Variants in ACACA observed in about 807,000 individuals in gnomAD.
ACACA encodes the protein acetyl-CoA carboxylase alpha, also known as acetyl-CoA carboxylase 1.
Under a neutral mutation model 296.1 loss-of-function variants are expected in ACACA, and 103 were observed. That is an observed-to-expected ratio of 0.35 (90% CI 0.30 to 0.41). The LOEUF is 0.41. ACACA is among the 10% of genes least tolerant of loss of function. The pLI is 1.00. For missense variants in ACACA, 1,554 were observed against 2,989.7 expected (o/e 0.52, Z 11.20); for synonymous variants, 953 against 1,038.6 (o/e 0.92, Z 1.58).
Position 37,242,041 on chromosome 17 carries a change from G to A in ACACA, c.2944C>T (p.Leu982=). 3 of 1,613,804 alleles carry A rather than the reference G, an allele frequency of 1.9e-6. No individual in the cohort carries two copies. Among genetic ancestry groups the A allele is most frequent in the Middle Eastern group, 3.3e-4 (2 of 6,060 alleles). ...TTCAATGTAGCTGCATGGCTATCTAGGATGTTTGCAATCTAAGGTATAAAA... is the reference window on the plus strand; with the variant it reads ...TTCAATGTAGCTGCATGGCTATCTAAGATGTTTGCAATCTAAGGTATAAAA... The part of the protein sequence containing the change: ...QFPSQQIANI[L]DSHAATLNRK... Residue 982 remains leucine, a synonymous_variant, in exon 23 of 56, where the codon CTA becomes TTA. Coordinates refer to ENST00000616317, the MANE Select transcript of ACACA (RefSeq NM_198834.3).
At chr17:37,191,324 T>C (rs1454075532) in intron 37 of ACACA, 49 bp from the exon 38 acceptor site, 4 of 1,549,324 alleles carry the variant, frequency 2.6e-6, no homozygotes, top group Non-Finnish European at 3.5e-6. Flanking sequence ...AAAGAGGCAA[T>C]AAAGAAATGG....
chr17:37,225,151 A>C, intron 26 of ACACA, 46 bp from the exon 27 acceptor site: 1 of 1,114,474 alleles, frequency 9.0e-7, no homozygotes, highest in Non-Finnish European at 1.4e-6. Flanking sequence ...CGGAGTGATT[A>C]TTCTAGACTC....
At chr17:37,306,579 A>G (rs1261914824) in intron 3 of ACACA, among the ~76,000 whole-genome samples, 1 of 152,158 alleles carries the variant, frequency 6.6e-6, no homozygotes, top group Non-Finnish European at 1.5e-5. Context: ...GACTACTCTG[A>G]CCTTTTATAA....
In ACACA at chr17:37,179,245, G is replaced by C. The variant is rs749499606; in HGVS notation, c.5079+15C>G. The C allele has an allele frequency of 6.2e-7, 1 of 1,613,950 alleles. No individual in the cohort carries two copies. The highest frequency in any genetic ancestry group is 2.2e-5 in the East Asian group (1 of 44,880). On this transcript the variant is annotated intron_variant, in intron 41 of 55. Transcript: ENST00000616317. ...CACAGAGATAAGAAAGGGAAGGGGGGTTTCAACTACTTGCCTCATTTCCTC... is the reference window on the plus strand; with the variant it reads ...CACAGAGATAAGAAAGGGAAGGGGGCTTTCAACTACTTGCCTCATTTCCTC...
At chr17:37,128,335 C>T (rs185377835) in intron 47 of ACACA, among the ~76,000 whole-genome samples, 20 of 152,114 alleles carry the variant, frequency 1.3e-4, no homozygotes, top group Admixed American at 1.0e-3. Context: ...GTCGTAAGTG[C>T]AAAAAAGATG....
rs2075916178 is a variant in ACACA, at chr17:37,148,692, C to CT, written c.5679+1171dup. 3.3e-5 allele frequency among the ~76,000 whole-genome samples: 5 copies of CT among 152,136 alleles called. No individual in the cohort carries two copies. The South Asian group carries it at 1.0e-3, about 32-fold the overall frequency. On this transcript the variant is annotated intron_variant, in intron 45 of 55. Coordinates refer to ENST00000616317, the MANE Select transcript of ACACA (RefSeq NM_198834.3). ...TCATGTTAGAGAGAGGAACGGGAAA[C>CT]TGAAATTTGAATGTGGGCCAACACT... is the stretch of plus-strand genomic sequence containing the variant.
rs78536589 is a variant in ACACA, at chr17:37,298,418, T to C, written c.339-13448A>G. ...GATAATGGAGGGATGCCAGGCACAG[T>C]GGCCTGTAATACCAACACTTCTGGA... On this transcript the variant is annotated intron_variant, in intron 3 of 55. Transcript: ENST00000616317. Among the ~76,000 whole-genome samples, 139 of 152,264 alleles carry C rather than the reference T, an allele frequency of 9.1e-4. 1 individual carries two copies. Among genetic ancestry groups the C allele is most frequent in the African/African-American group, 3.3e-3 (137 of 41,552 alleles).
chr17:37,375,738 C>T (rs777090505), intron 1 of ACACA, among the ~76,000 whole-genome samples: 3 of 152,138 alleles, frequency 2.0e-5, no homozygotes, highest in Non-Finnish European at 4.4e-5. Context: ...TGTCAGTGAG[C>T]ATGCATGTAA....
intron 5 of ACACA, among the ~76,000 whole-genome samples, chr17:37,278,335 T>G (rs1037056538): frequency 6.6e-6 from 1 of 152,162 alleles, no homozygotes; most frequent in Non-Finnish European, 1.5e-5. Context: ...ATTACTCTAT[T>G]CCGAGAAAAA....
At chr17:37,278,118 C>T (rs1394064651) in intron 5 of ACACA, 113 bp from the exon 6 acceptor site, 13 of 785,550 alleles carry the variant, frequency 1.7e-5, no homozygotes, top group Non-Finnish European at 2.9e-5. Context: ...ACAGGACAAA[C>T]AGCATTAGTA....
intron 25 of ACACA, among the ~76,000 whole-genome samples, chr17:37,229,458 C>T (rs1272103264): frequency 6.6e-6 from 1 of 151,578 alleles, no homozygotes; most frequent in Admixed American, 6.6e-5. Flanking sequence ...CGCCCGCCAC[C>T]ATGCCCGGCT....
intron 1 of ACACA, chr17:37,391,505 T>C: frequency 1.4e-6 from 1 of 710,384 alleles, no homozygotes; most frequent in East Asian, 2.5e-5. Flanking sequence ...TTTCTCAGTG[T>C]AATTATCGAT....
At chr17:37,393,608 C>T (rs1299318301) in intron 1 of ACACA, among the ~76,000 whole-genome samples, 5 of 151,976 alleles carry the variant, frequency 3.3e-5, no homozygotes, top group African/African-American at 9.7e-5. Context: ...CTTGGGAGGC[C>T]GAGGTGGGCA....
intron 45 of ACACA, among the ~76,000 whole-genome samples, chr17:37,134,301 A>G (rs1298361578): frequency 1.3e-5 from 2 of 152,172 alleles, no homozygotes; most frequent in Non-Finnish European, 2.9e-5. Context: ...GGAGATCAAG[A>G]TAAACACGTA....
At chr17:37,197,117 A>G (rs1278736444) in intron 35 of ACACA, among the ~76,000 whole-genome samples, 1 of 152,224 alleles carries the variant, frequency 6.6e-6, no homozygotes, top group Non-Finnish European at 1.5e-5. Context: ...GGGTGGCAAC[A>G]GACACCCTAA....
chr17:37,118,189 C>T (rs925406517), intron 50 of ACACA, among the ~76,000 whole-genome samples: 1 of 152,104 alleles, frequency 6.6e-6, no homozygotes, highest in African/African-American at 2.4e-5. Flanking sequence ...TGCATCAGCA[C>T]CAAAATTAAG....
intron 1 of ACACA, among the ~76,000 whole-genome samples, chr17:37,340,589 A>G (rs1402192884): frequency 6.6e-6 from 1 of 152,230 alleles, no homozygotes; most frequent in Non-Finnish European, 1.5e-5. Flanking sequence ...CAGAGAAGAA[A>G]CAAAAGGAAA....
At chr17:37,364,145 A>C (rs1167677955) in intron 1 of ACACA, among the ~76,000 whole-genome samples, 1 of 151,182 alleles carries the variant, frequency 6.6e-6, no homozygotes, top group African/African-American at 2.4e-5. Flanking sequence ...AAAAAATAAA[A>C]AAATTGCTGG....
At chr17:37,106,626 A>G (rs762528333) in intron 52 of ACACA, among the ~76,000 whole-genome samples, 19 of 152,206 alleles carry the variant, frequency 1.2e-4, no homozygotes, top group Non-Finnish European at 1.9e-4. Flanking sequence ...AGACATATCC[A>G]TATAAAAAAG....
Sources: allele counts gnomAD v4.1 joint callset (sites outside exome capture counted in the v4.1 genomes callset), GRCh38; gene constraint gnomAD v4.1.1; transcripts MANE v1.5; gene names NCBI Gene and HGNC (gene_info 2026-07-23, HGNC 2026-07-21).